Variants in ABCG8 observed in about 807,000 individuals in gnomAD.
The protein encoded by ABCG8 is ATP binding cassette subfamily G member 8.
In ABCG8, 81 loss-of-function variants were observed where a neutral mutation model predicts 71.3. The observed-to-expected ratio is 1.14, with a 90% CI of 0.95 to 1.37. The LOEUF (loss-of-function observed/expected upper bound fraction) is 1.37, where lower values mean the gene tolerates loss of function less well. ABCG8 is among the 40% of genes most tolerant of loss of function. The pLI is 0.00. For missense variants in ABCG8, 1,119 were observed against 866.2 expected, an observed-to-expected ratio of 1.29 and a Z score of -3.66; for synonymous variants, 451 against 354.7, an observed-to-expected ratio of 1.27 and a Z score of -3.05.
At chr2:43,871,923 T>G (rs1019316295) in intron 6 of ABCG8, 53 bp from the exon 7 acceptor site, 2 of 1,611,544 alleles carry the variant, frequency 1.2e-6, no homozygotes, top group African/African-American at 2.7e-5. Flanking sequence ...TCTTCACCTG[T>G]GAGCAGGTGC....
rs1261354219 is a variant in ABCG8, at chr2:43,862,794, T to C, written c.965-9182T>C. On this transcript the variant is annotated intron_variant, in intron 6 of 12. Coordinates refer to ENST00000272286, the MANE Select transcript of ABCG8 (RefSeq NM_022437.3). ...TGGTAGAACTCTCACTATCTCTCTG[T>C]GTAGAATTCTGATAATCTGGTTAGC... Among the ~76,000 whole-genome samples the C allele has an allele frequency of 4.7e-5, 7 of 150,142 alleles. No homozygotes were observed. In the East Asian group the frequency reaches 1.2e-3, roughly 25 times the overall value.
chr2:43,858,305 G>A (rs1331439227), intron 6 of ABCG8, among the ~76,000 whole-genome samples: 1 of 149,590 alleles, frequency 6.7e-6, no homozygotes, highest in Admixed American at 6.7e-5. Flanking sequence ...TTATTCTCTG[G>A]ATAAAACTCT....
intron 3 of ABCG8, among the ~76,000 whole-genome samples, chr2:43,850,907 C>CT (rs1668892803): frequency 7.5e-6 from 1 of 134,084 alleles, no homozygotes; most frequent in African/African-American, 2.8e-5. Flanking sequence ...GGGACTCTGT[C>CT]TCAAAAAAAA....
chr2:43,859,310 T>C (rs757398264), intron 6 of ABCG8, among the ~76,000 whole-genome samples: 12 of 151,692 alleles, frequency 7.9e-5, no homozygotes, highest in South Asian at 4.2e-4. Flanking sequence ...GAATTCTCAC[T>C]ATCTGGATAG....
chr2:43,858,092 G>A (rs542477611), intron 6 of ABCG8, among the ~76,000 whole-genome samples: 1 of 151,218 alleles, frequency 6.6e-6, no homozygotes, highest in African/African-American at 2.4e-5. Context: ...CTCACTCTCT[G>A]TGTGGAACTC....
At chr2:43,868,074 T>G (rs115237427) in intron 6 of ABCG8, among the ~76,000 whole-genome samples, 7,949 of 151,264 alleles carry the variant, frequency 0.053, 248 homozygotes, top group Middle Eastern at 0.12. Context: ...TATCTCGATA[T>G]AATTTTCATT....
At chr2:43,848,024 C>G (rs969461586) in intron 3 of ABCG8, 4 of 152,010 alleles carry the variant, frequency 2.6e-5, no homozygotes. Context: ...CTTGGCCTCT[C>G]AAAGTGCTGG....
chr2:43,853,067 T>C (rs1435205570), intron 6 of ABCG8, among the ~76,000 whole-genome samples, 199 bp downstream of exon 6: 2 of 152,134 alleles, frequency 1.3e-5, no homozygotes, highest in Non-Finnish European at 2.9e-5. Context: ...TAGAAGCTTC[T>C]GACAAAGAGC....
At chr2:43,877,320 G>A (rs1351093469) in intron 11 of ABCG8, among the ~76,000 whole-genome samples, 1 of 151,202 alleles carries the variant, frequency 6.6e-6, no homozygotes, top group East Asian at 2.0e-4. Flanking sequence ...ATATGGGGGA[G>A]ACCACATCAA....
In ABCG8 at chr2:43,868,101, C is replaced by T. The variant is rs72875480; in HGVS notation, c.965-3875C>T. 1.6e-3 allele frequency among the ~76,000 whole-genome samples: 250 copies of T among 152,130 alleles called. No individual in the cohort carries two copies. In the East Asian group the frequency reaches 0.021, roughly 13 times the overall value. On this transcript the variant is annotated intron_variant, in intron 6 of 12. Coordinates refer to ENST00000272286, the MANE Select transcript of ABCG8 (RefSeq NM_022437.3). ...ATTTTCATTCTCTGGATAGATCTCT[C>T]ACTGTCTGCCTGGATCGAATTCTCA... is the stretch of plus-strand genomic sequence containing the variant.
chr2:43,868,581 T>C (rs1252158581), intron 6 of ABCG8, among the ~76,000 whole-genome samples: 1 of 152,124 alleles, frequency 6.6e-6, no homozygotes, highest in Non-Finnish European at 1.5e-5. Context: ...GAACTCTCAC[T>C]ATCTGGATAG....
intron 6 of ABCG8, among the ~76,000 whole-genome samples, chr2:43,871,264 C>T (rs1258857016): frequency 6.7e-6 from 1 of 150,184 alleles, no homozygotes; most frequent in Non-Finnish European, 1.5e-5. Context: ...AGAATTCTCA[C>T]CCTCTGGATA....
At chr2:43,867,340 GTATAATTAAAAAAAAAAA>G (rs1301065408) in intron 6 of ABCG8, among the ~76,000 whole-genome samples, 1 of 110,898 alleles carries the variant, frequency 9.0e-6, no homozygotes, top group African/African-American at 3.8e-5. Context: ...AAAACTTAAA[GTATAATTAAAAAAAAAAA>G]AGAATTCTCA....
chr2:43,849,533 A>G (rs1668847916), intron 3 of ABCG8, among the ~76,000 whole-genome samples: 1 of 152,156 alleles, frequency 6.6e-6, no homozygotes, highest in African/African-American at 2.4e-5. Flanking sequence ...GGGGATTACA[A>G]TTTCGGATGA....
chr2:43,877,982 A>T lies in ABCG8; in HGVS notation c.*69A>T. 6.2e-7 allele frequency: 1 copy of T among 1,609,878 alleles called. No individual in the cohort carries two copies. Among genetic ancestry groups the T allele is most frequent in the East Asian group, 2.2e-5 (1 of 44,836 alleles). ...CCTTCAACTGCACTCCCTCCTCAGG[A>T]GCCCCTTCCTGGGGACAGTGAGGAC... On this transcript the variant is annotated 3_prime_UTR_variant, in exon 13 of 13. Coordinates refer to ENST00000272286, the MANE Select transcript of ABCG8 (RefSeq NM_022437.3).
At chr2:43,863,970 C>T (rs1397071737) in intron 6 of ABCG8, among the ~76,000 whole-genome samples, 1 of 151,514 alleles carries the variant, frequency 6.6e-6, no homozygotes, top group Admixed American at 6.6e-5. Flanking sequence ...AGGTAGAACT[C>T]TTACTGTCAA....
chr2:43,840,352 T>C (rs1438805521), intron 1 of ABCG8, among the ~76,000 whole-genome samples: 4 of 152,194 alleles, frequency 2.6e-5, no homozygotes, highest in Non-Finnish European at 4.4e-5. Flanking sequence ...CTGAATAGAA[T>C]AGAAAGTCAG....
chr2:43,849,006 G>C (rs1212871240), intron 3 of ABCG8, among the ~76,000 whole-genome samples: 1 of 104,680 alleles, frequency 9.6e-6, no homozygotes, highest in Non-Finnish European at 1.8e-5. Flanking sequence ...TGGGCAGCAA[G>C]AGCAAAACAC....
chr2:43,874,537 G>A (rs1195943710), intron 10 of ABCG8, 54 bp downstream of exon 10: 6 of 1,458,192 alleles, frequency 4.1e-6, no homozygotes, highest in Non-Finnish European at 4.8e-6. Flanking sequence ...GTGGGGGTAA[G>A]TGTGGAGAAA....
Sources: allele counts gnomAD v4.1 joint callset (sites outside exome capture counted in the v4.1 genomes callset), GRCh38; gene constraint gnomAD v4.1.1; transcripts MANE v1.5; gene names NCBI Gene and HGNC (gene_info 2026-07-23, HGNC 2026-07-21).